Variants in NHSL3 observed in about 807,000 individuals in gnomAD.
NHSL3 encodes the protein NHS-like protein 3.
chr1:32,767,399 G>A, the NHSL3 span, among the ~76,000 whole-genome samples: 1 of 152,088 alleles, frequency 6.6e-6, no homozygotes, highest in Non-Finnish European at 1.5e-5. Context: ...TGCGGGCTGG[G>A]TGTGCTTGGT....
At chr1:32,760,835 C>A in the NHSL3 span, among the ~76,000 whole-genome samples, 1 of 152,264 alleles carries the variant, frequency 6.6e-6, no homozygotes, top group East Asian at 1.9e-4. Context: ...GCGATCCACC[C>A]GCCTTGGCCT....
At chr1:32,768,166 C>T in the NHSL3 span, 8 of 1,254,608 alleles carry the variant, frequency 6.4e-6, no homozygotes, top group Non-Finnish European at 9.3e-6. Context: ...CCTGCTTGAC[C>T]CCTGGCAAGG....
the NHSL3 span, among the ~76,000 whole-genome samples, chr1:32,758,387 T>C: frequency 6.6e-6 from 1 of 152,170 alleles, no homozygotes; most frequent in African/African-American, 2.4e-5. Context: ...TCAGACCATC[T>C]GGAATTCTTT....
the NHSL3 span, among the ~76,000 whole-genome samples, chr1:32,761,113 G>A: frequency 1.3e-5 from 2 of 152,294 alleles, no homozygotes; most frequent in South Asian, 2.1e-4. Flanking sequence ...GGTGTGGTAT[G>A]GGATGCTTCC....
the NHSL3 span, among the ~76,000 whole-genome samples, chr1:32,763,938 G>A: frequency 6.6e-6 from 1 of 152,106 alleles, no homozygotes; most frequent in African/African-American, 2.4e-5. Context: ...ATGGCTCACG[G>A]CAGCCCCAAC....
the NHSL3 span, among the ~76,000 whole-genome samples, chr1:32,751,550 G>A: frequency 3.9e-5 from 6 of 152,174 alleles, no homozygotes; most frequent in South Asian, 2.1e-4. Context: ...TGGTGAACAC[G>A]GGGTGCAGGG....
the NHSL3 span, chr1:32,769,525 C>T: frequency 1.5e-5 from 10 of 670,360 alleles, no homozygotes; most frequent in Admixed American, 1.7e-4. Flanking sequence ...CAGAAAGAAG[C>T]CTCTAGCTTT....
chr1:32,771,982 C>T, the NHSL3 span: 4 of 1,605,436 alleles, frequency 2.5e-6, no homozygotes, highest in Admixed American at 1.7e-5. Context: ...TGCTGCGGTC[C>T]GACTCAAGGC....
At chr1:32,766,698 C>T in the NHSL3 span, among the ~76,000 whole-genome samples, 47 of 152,164 alleles carry the variant, frequency 3.1e-4, 1 homozygote, top group Non-Finnish European at 4.4e-4. Context: ...GTTTTGTTCC[C>T]GTCCCTTTAT....
At chr1:32,770,714 T>C in the NHSL3 span, 1 of 1,549,290 alleles carries the variant, frequency 6.5e-7, no homozygotes, top group Non-Finnish European at 8.7e-7. This position sits in a 1 kb window ranked among gnomAD's most constrained non-coding sequence, Gnocchi z 8.3. Flanking sequence ...CAGCGGGGCT[T>C]AGCAGTGCCT....
At chr1:32,768,153 C>G in the NHSL3 span, 15 of 1,384,696 alleles carry the variant, frequency 1.1e-5, no homozygotes, top group Non-Finnish European at 1.4e-5. Context: ...TGACTCTTCT[C>G]TACCTGCTTG....
chr1:32,770,744 C>G, the NHSL3 span: 1 of 1,559,828 alleles, frequency 6.4e-7, no homozygotes, highest in Admixed American at 1.8e-5. The surrounding 1 kb of genome is among the most constrained non-coding windows in gnomAD (Gnocchi z 8.3). Flanking sequence ...TTAGGGTTGC[C>G]CCCTAAGCCT....
chr1:32,770,857 C>T, the NHSL3 span: 2 of 1,608,440 alleles, frequency 1.2e-6, no homozygotes, highest in South Asian at 1.1e-5. This position sits in a 1 kb window ranked among gnomAD's most constrained non-coding sequence, Gnocchi z 8.3. Context: ...CAGCTGGGTA[C>T]CTGGCTTGTC....
the NHSL3 span, chr1:32,770,406 A>C: frequency 6.2e-7 from 1 of 1,607,586 alleles, no homozygotes; most frequent in South Asian, 1.1e-5. This position sits in a 1 kb window ranked among gnomAD's most constrained non-coding sequence, Gnocchi z 8.3. Flanking sequence ...GCCGCCACCC[A>C]TCCTCCTCCA....
At chr1:32,754,837 G>A in the NHSL3 span, among the ~76,000 whole-genome samples, 4 of 152,122 alleles carry the variant, frequency 2.6e-5, no homozygotes, top group Non-Finnish European at 5.9e-5. Context: ...TCTGGGGACC[G>A]CCTCCATCTG....
the NHSL3 span, among the ~76,000 whole-genome samples, chr1:32,750,146 T>C: frequency 6.6e-6 from 1 of 152,132 alleles, no homozygotes; most frequent in East Asian, 1.9e-4. Flanking sequence ...CTCTAGCCCG[T>C]TGGCAGACTT....
chr1:32,765,499 G>A, the NHSL3 span: 2 of 687,876 alleles, frequency 2.9e-6, no homozygotes, highest in Non-Finnish European at 4.7e-6. Context: ...TACTGGAGCA[G>A]AGCACCCACG....
the NHSL3 span, among the ~76,000 whole-genome samples, chr1:32,761,933 T>C: frequency 1.3e-5 from 2 of 152,170 alleles, no homozygotes; most frequent in Non-Finnish European, 2.9e-5. Context: ...ATCAGGTTTG[T>C]AGCTGGCACA....
At chr1:32,769,911 GC>G in the NHSL3 span, 1 of 1,608,126 alleles carries the variant, frequency 6.2e-7, no homozygotes, top group Non-Finnish European at 8.5e-7. Flanking sequence ...CACCAGGCAC[GC>G]CCCGGGCTCC....
Sources: gnomAD v4.1 joint callset for allele counts (sites outside exome capture counted in the v4.1 genomes callset) on GRCh38, gnomAD v4.1.1 for gene constraint, Gnocchi (gnomAD v3.1) non-coding constraint, MANE v1.5 for transcripts, NCBI Gene and HGNC (gene_info 2026-07-23, HGNC 2026-07-21) for gene names.